Variants in PPARGC1A observed in about 807,000 individuals in gnomAD.
The protein encoded by PPARGC1A is peroxisome proliferator-activated receptor gamma coactivator 1-alpha.
PPARGC1A carries 25 observed loss-of-function variants against 88.7 expected under a neutral mutation model. The ratio of observed to expected loss-of-function variants is 0.28; its 90% confidence interval spans 0.21 to 0.39. The LOEUF (loss-of-function observed/expected upper bound fraction) is 0.39. PPARGC1A is among the 10% of genes least tolerant of loss of function. The pLI is 1.00. For missense variants in PPARGC1A, 880 were observed against 968.7 expected, an observed-to-expected ratio of 0.91 and a Z score of 1.22; for synonymous variants, 363 against 355.6, an observed-to-expected ratio of 1.02 and a Z score of -0.24.
At chr4:24,194,184 A>C in the PPARGC1A span, among the ~76,000 whole-genome samples, 1 of 151,990 alleles carries the variant, frequency 6.6e-6, no homozygotes, top group Non-Finnish European at 1.5e-5. Flanking sequence ...GCAGTACGAC[A>C]GACTACGGGA....
the PPARGC1A span, among the ~76,000 whole-genome samples, chr4:24,131,491 G>A: frequency 0.032 from 4,860 of 152,234 alleles, 110 homozygotes; most frequent in South Asian, 0.092. Context: ...GTAACTACAC[G>A]GCAAGATGGC....
the PPARGC1A span, among the ~76,000 whole-genome samples, chr4:24,122,691 G>A: frequency 6.6e-6 from 1 of 152,094 alleles, no homozygotes; most frequent in Non-Finnish European, 1.5e-5. Flanking sequence ...GTAATAAGTT[G>A]TTCAGATGAA....
the PPARGC1A span, among the ~76,000 whole-genome samples, chr4:24,417,988 T>C: frequency 6.6e-6 from 1 of 151,796 alleles, no homozygotes; most frequent in Non-Finnish European, 1.5e-5. Flanking sequence ...TATTTTGTTT[T>C]TTCTGTAAGA....
the PPARGC1A span, among the ~76,000 whole-genome samples, chr4:23,919,907 A>G: frequency 6.6e-6 from 1 of 152,236 alleles, no homozygotes; most frequent in Admixed American, 6.5e-5. Flanking sequence ...CTTGCTAATA[A>G]AAGATCCGCT....
intron 2 of PPARGC1A, among the ~76,000 whole-genome samples, chr4:23,871,983 A>C (rs1713472948): frequency 6.6e-6 from 1 of 152,108 alleles, no homozygotes; most frequent in African/African-American, 2.4e-5. Context: ...CTTCCTGCAC[A>C]TGCCTCTCCC....
chr4:24,052,997 GGGA>G, the PPARGC1A span, among the ~76,000 whole-genome samples: 1 of 149,718 alleles, frequency 6.7e-6, no homozygotes, highest in Admixed American at 6.7e-5. Flanking sequence ...CGGAGTAGCT[GGGA>G]CTACAGGCAC....
chr4:23,875,956 T>C (rs1227092984), intron 2 of PPARGC1A: 1 of 152,244 alleles, frequency 6.6e-6, no homozygotes, highest in Non-Finnish European at 1.5e-5. Flanking sequence ...TGTGCTTTTT[T>C]CAACTTTATT....
chr4:24,312,801 G>T, the PPARGC1A span, among the ~76,000 whole-genome samples: 1 of 151,966 alleles, frequency 6.6e-6, no homozygotes, highest in Non-Finnish European at 1.5e-5. Flanking sequence ...CAACATAACA[G>T]TATAAACTAT....
At chr4:24,060,547 C>G in the PPARGC1A span, among the ~76,000 whole-genome samples, 1 of 152,066 alleles carries the variant, frequency 6.6e-6, no homozygotes, top group African/African-American at 2.4e-5. Context: ...AAAAAAAAAT[C>G]GCTATAAAAA....
Position 23,801,869 on chromosome 4 carries a change from A to C in PPARGC1A, c.2154T>G (p.Gly718=). 1 of 1,614,016 alleles carries C rather than the reference A, an allele frequency of 6.2e-7. No individual in the cohort carries two copies. Among genetic ancestry groups the C allele is most frequent in the Non-Finnish European group, 8.5e-7 (1 of 1,179,962 alleles). Residue 718 remains glycine, a synonymous_variant, in exon 12 of 13, where the codon GGT becomes GGG. Coordinates refer to ENST00000264867, the MANE Select transcript of PPARGC1A (RefSeq NM_013261.5). The part of the protein sequence containing the change: ...VNLRDDGDSY[G]FITYRYTCDA... ...CACAGGTATAACGGTAGGTAATGAA[A>C]CCATAGCTGTCTCTGCAACGGACAA... is the stretch of plus-strand genomic sequence containing the variant.
At chr4:23,840,774 G>A (rs1726926123) in intron 2 of PPARGC1A, among the ~76,000 whole-genome samples, 1 of 152,006 alleles carries the variant, frequency 6.6e-6, no homozygotes, top group Admixed American at 6.6e-5. Flanking sequence ...AAGAATATAT[G>A]GATTTTCATT....
chr4:24,325,377 C>T, the PPARGC1A span, among the ~76,000 whole-genome samples: 25 of 152,252 alleles, frequency 1.6e-4, no homozygotes, highest in Middle Eastern at 3.4e-3. Flanking sequence ...TCCTTGCCTC[C>T]ACTGTGAGAC....
chr4:24,070,338 AAC>A, the PPARGC1A span, among the ~76,000 whole-genome samples: 1 of 152,198 alleles, frequency 6.6e-6, no homozygotes, highest in Non-Finnish European at 1.5e-5. Context: ...ACTTCAGAAT[AAC>A]AGTCTTTAAA....
the PPARGC1A span, among the ~76,000 whole-genome samples, chr4:24,095,123 T>TC: frequency 6.7e-6 from 1 of 150,024 alleles, no homozygotes; most frequent in South Asian, 2.1e-4. Flanking sequence ...GTCTTTTTTT[T>TC]TTTTTTTTTT....
At chr4:24,053,495 G>GA in the PPARGC1A span, among the ~76,000 whole-genome samples, 6 of 103,810 alleles carry the variant, frequency 5.8e-5, no homozygotes, top group Non-Finnish European at 1.3e-4. Flanking sequence ...AGGAAAAAAT[G>GA]AGGGCAATAA....
chr4:24,104,529 A>G, the PPARGC1A span, among the ~76,000 whole-genome samples: 1 of 152,162 alleles, frequency 6.6e-6, no homozygotes, highest in Admixed American at 6.5e-5. Flanking sequence ...GAGGGAAGCA[A>G]AGGATGGACC....
chr4:23,952,160 G>T, the PPARGC1A span, among the ~76,000 whole-genome samples: 2 of 152,060 alleles, frequency 1.3e-5, no homozygotes, highest in East Asian at 1.9e-4. Flanking sequence ...TCTTGGGTTC[G>T]TAGCCTCATA....
At chr4:23,899,905 C>G (rs1242632116), upstream of PPARGC1A, among the ~76,000 whole-genome samples, 4 of 151,920 alleles carry the variant, frequency 2.6e-5, no homozygotes, top group Non-Finnish European at 4.4e-5. Flanking sequence ...TCTTATGATA[C>G]ATGTACTTTT....
At chr4:24,050,825 G>A in the PPARGC1A span, among the ~76,000 whole-genome samples, 1 of 152,094 alleles carries the variant, frequency 6.6e-6, no homozygotes, top group Non-Finnish European at 1.5e-5. Flanking sequence ...TATTTCAAAA[G>A]CAATTTTATC....
Sources: gnomAD v4.1 joint callset for allele counts (sites outside exome capture counted in the v4.1 genomes callset) on GRCh38, gnomAD v4.1.1 for gene constraint, MANE v1.5 for transcripts, NCBI Gene and HGNC (gene_info 2026-07-23, HGNC 2026-07-21) for gene names.